EXT1: variants seen among roughly 807,000 people sequenced by gnomAD.
The protein encoded by EXT1 is exostosin glycosyltransferase 1.
In EXT1, 20 loss-of-function variants were observed where a neutral mutation model predicts 82.5. The ratio of observed to expected loss-of-function variants is 0.24; its 90% CI spans 0.17 to 0.35. The LOEUF is 0.35. Among genes scored for constraint, EXT1 ranks in the 10% least tolerant of loss-of-function variants. EXT1 has a pLI of 1.00. For synonymous variants in EXT1, 348 were observed against 350.8 expected, an observed-to-expected ratio of 0.99 and a Z score of 0.09; for missense variants, 757 against 936.5, an observed-to-expected ratio of 0.81 and a Z score of 2.50.
intron 1 of EXT1, among the ~76,000 whole-genome samples, chr8:117,995,530 G>A (rs758661008): frequency 1.3e-5 from 2 of 152,054 alleles, no homozygotes; most frequent in African/African-American, 2.4e-5. Flanking sequence ...CAGGGTAGCT[G>A]TACAGTGCTC....
chr8:118,102,852 C>T (rs1160610944), intron 1 of EXT1, among the ~76,000 whole-genome samples: 1 of 151,572 alleles, frequency 6.6e-6, no homozygotes. Context: ...TGCTTTCTTT[C>T]TTTCTTTGAA....
intron 3 of EXT1, among the ~76,000 whole-genome samples, chr8:117,833,596 C>G (rs1812137392): frequency 1.3e-5 from 2 of 150,376 alleles, no homozygotes. Context: ...GCTTGAGTGA[C>G]AGAGCGAGAC....
chr8:117,873,158 A>G (rs757839974), intron 1 of EXT1, among the ~76,000 whole-genome samples: 11 of 152,260 alleles, frequency 7.2e-5, no homozygotes, highest in Admixed American at 5.2e-4. Flanking sequence ...GCAGTCTGTA[A>G]CCTGAAAGAG....
chr8:117,825,032 A>G (rs1310256064), intron 4 of EXT1, among the ~76,000 whole-genome samples: 1 of 151,812 alleles, frequency 6.6e-6, no homozygotes, highest in Non-Finnish European at 1.5e-5. Flanking sequence ...ACACCCAGCT[A>G]ATTTTTTATT....
At chr8:118,085,414 G>A (rs1488292258) in intron 1 of EXT1, among the ~76,000 whole-genome samples, 2 of 151,372 alleles carry the variant, frequency 1.3e-5, no homozygotes, top group East Asian at 3.9e-4. Context: ...CAGAAGGTTA[G>A]TATTTCCTAT....
chr8:118,100,474 G>A (rs905295597), intron 1 of EXT1, among the ~76,000 whole-genome samples: 2 of 152,192 alleles, frequency 1.3e-5, no homozygotes, highest in Non-Finnish European at 2.9e-5. Context: ...TGGAGGCGGG[G>A]TGCGGAGGCT....
intron 1 of EXT1, among the ~76,000 whole-genome samples, chr8:118,046,295 T>G (rs10505325): frequency 0.34 from 52,018 of 151,914 alleles, 10,141 homozygotes; most frequent in Middle Eastern, 0.47. Context: ...ACTATTGATG[T>G]TTTGGATCCA....
chr8:118,042,571 A>G (rs1352378076), intron 1 of EXT1, among the ~76,000 whole-genome samples: 1 of 152,180 alleles, frequency 6.6e-6, no homozygotes, highest in Non-Finnish European at 1.5e-5. Flanking sequence ...CTGGGATTAC[A>G]GGCATGAGCC....
intron 1 of EXT1, among the ~76,000 whole-genome samples, chr8:118,103,352 A>G (rs1817756447): frequency 6.6e-6 from 1 of 151,946 alleles, no homozygotes; most frequent in Non-Finnish European, 1.5e-5. Flanking sequence ...TCACTGTGTT[A>G]CCCAGGCTAG....
intron 1 of EXT1, among the ~76,000 whole-genome samples, chr8:117,875,418 CTCTAAATAAATAAATA>C (rs1463186049): frequency 7.8e-6 from 1 of 128,242 alleles, no homozygotes; most frequent in Admixed American, 8.9e-5. Flanking sequence ...GAAACTACCT[CTCTAAATAAATAAATA>C]AATAAATAAA....
chr8:117,946,883 C>A (rs1814400815), intron 1 of EXT1, among the ~76,000 whole-genome samples: 1 of 152,140 alleles, frequency 6.6e-6, no homozygotes, highest in Non-Finnish European at 1.5e-5. Flanking sequence ...TTTGAGAAGG[C>A]TTCCTTCTTC....
chr8:117,818,286 C>A (rs929891498), intron 7 of EXT1, 149 bp downstream of exon 7: 7 of 698,952 alleles, frequency 1.0e-5, no homozygotes, highest in Non-Finnish European at 1.8e-5. Flanking sequence ...CTATTGTGGT[C>A]AAATCTGAGA....
intron 1 of EXT1, among the ~76,000 whole-genome samples, chr8:118,034,322 C>A (rs1816383510): frequency 6.6e-6 from 1 of 152,146 alleles, no homozygotes; most frequent in Non-Finnish European, 1.5e-5. Flanking sequence ...GTATCAGGTA[C>A]ATGTTTCCTT....
intron 1 of EXT1, among the ~76,000 whole-genome samples, chr8:118,008,954 C>G (rs1815837852): frequency 6.6e-6 from 1 of 152,128 alleles, no homozygotes; most frequent in Non-Finnish European, 1.5e-5. Flanking sequence ...AATGGGTCAT[C>G]TCTTATCTAC....
At chr8:118,086,731 T>C (rs898401174) in intron 1 of EXT1, among the ~76,000 whole-genome samples, 1 of 152,110 alleles carries the variant, frequency 6.6e-6, no homozygotes, top group African/African-American at 2.4e-5. Flanking sequence ...AAAAAGATAA[T>C]GTAAAAAGGG....
intron 1 of EXT1, among the ~76,000 whole-genome samples, chr8:117,891,156 C>T (rs577859908): frequency 6.6e-6 from 1 of 152,324 alleles, no homozygotes; most frequent in South Asian, 2.1e-4. Context: ...TACACAAGAA[C>T]ACCAAAAGGC....
chr8:118,039,968 T>C (rs1405060062), intron 1 of EXT1, among the ~76,000 whole-genome samples: 1 of 152,194 alleles, frequency 6.6e-6, no homozygotes, highest in Non-Finnish European at 1.5e-5. Flanking sequence ...AAAAATTCTG[T>C]GAAAGCGTAA....
chr8:117,835,563 AG>A lies in EXT1; in HGVS notation c.1057-13del. On this transcript the variant is annotated splice_polypyrimidine_tract_variant and intron_variant, in intron 2 of 10. Transcript: ENST00000378204. Reference sequence around the variant, plus strand: ...GGGACGCAGGCAGCCTGAGCAAAAAAGGGGACTTCGTGAATGTGAGGAAAGC... The same window carrying A: ...GGGACGCAGGCAGCCTGAGCAAAAAAGGGACTTCGTGAATGTGAGGAAAGC... The A allele has an allele frequency of 4.4e-6, 7 of 1,601,720 alleles. No individual in the cohort carries two copies. The highest frequency in any genetic ancestry group is 6.0e-6 in the Non-Finnish European group (7 of 1,168,512).
At chr8:117,820,636 C>A (rs1180037926) in intron 5 of EXT1, among the ~76,000 whole-genome samples, 2 of 151,038 alleles carry the variant, frequency 1.3e-5, no homozygotes, top group African/African-American at 2.4e-5. Context: ...TGCAGTGAGC[C>A]AAGATGGTGC....
Sources: allele counts gnomAD v4.1 joint callset (sites outside exome capture counted in the v4.1 genomes callset), GRCh38; gene constraint gnomAD v4.1.1; transcripts MANE v1.5; gene names NCBI Gene and HGNC (gene_info 2026-07-23, HGNC 2026-07-21).